Variants in H2BC18 observed in about 807,000 individuals in gnomAD.
H2BC18 encodes the protein histone H2B type 2-F.
H2BC18 carries 8 observed loss-of-function variants against 6.3 expected under a neutral mutation model. That is an observed-to-expected ratio of 1.28 (90% CI 0.75 to 2.31). The LOEUF is 2.31. H2BC18 is among the 30% of genes most tolerant of loss of function. H2BC18 has a pLI of 0.00. For synonymous variants in H2BC18, 104 were observed against 78.1 expected, an observed-to-expected ratio of 1.33 and a Z score of -1.75; for missense variants, 106 against 174.5, an observed-to-expected ratio of 0.61 and a Z score of 2.21.
chr1:149,789,378 G>C (rs2091640120), intron 1 of H2BC18, among the ~76,000 whole-genome samples: 1 of 139,860 alleles, frequency 7.2e-6, no homozygotes, highest in African/African-American at 2.7e-5. Flanking sequence ...GGGCAACAGA[G>C]CGAGACTACG....
intron 1 of H2BC18, chr1:149,792,189 A>G (rs1203600283): frequency 1.8e-5 from 3 of 162,608 alleles, no homozygotes; most frequent in Admixed American, 1.2e-4. Flanking sequence ...TGCCAGTCCT[A>G]GGCCCCTGCC....
chr1:149,793,137 C>T, intron 1 of H2BC18: 1 of 1,275,084 alleles, frequency 7.8e-7, no homozygotes, highest in South Asian at 1.2e-5. Flanking sequence ...CCGGCCGAGC[C>T]TCCGCGGAGA....
chr1:149,807,816 A>G (rs1222638754), downstream of H2BC18, among the ~76,000 whole-genome samples: 2 of 147,420 alleles, frequency 1.4e-5, no homozygotes, highest in Non-Finnish European at 3.0e-5. Context: ...AAGAAAGAAG[A>G]AAGAAAGAGA....
Position 149,790,300 on chromosome 1 carries a change from T to C in H2BC18, c.378-7040A>G. ...GAGGCTGCCACAGAGGATGGAAATGTCCTTAAGCGCAGCCCTGAGTTGGAG... is the reference window on the plus strand; with the variant it reads ...GAGGCTGCCACAGAGGATGGAAATGCCCTTAAGCGCAGCCCTGAGTTGGAG... On this transcript the variant is annotated intron_variant, in intron 1 of 1. Coordinates refer to the H2BC18 transcript ENST00000545683. 4 of 1,587,544 alleles carry C rather than the reference T, an allele frequency of 2.5e-6. No individual in the cohort carries two copies. The South Asian group carries it at 4.6e-5, about 18-fold the overall frequency.
downstream of H2BC18, chr1:149,810,470 A>G (rs1553754290): frequency 6.6e-6 from 1 of 152,136 alleles, no homozygotes; most frequent in Non-Finnish European, 1.5e-5. Context: ...AATTAGTAAA[A>G]TTCATTTTAA....
At chr1:149,804,275 A>T (rs782616795) in intron 1 of H2BC18, among the ~76,000 whole-genome samples, 1 of 152,114 alleles carries the variant, frequency 6.6e-6, no homozygotes, top group Admixed American at 6.5e-5. Context: ...GCATCATCTG[A>T]TAGAAAAAGA....
chr1:149,809,580 A>G (rs1301244134), downstream of H2BC18, among the ~76,000 whole-genome samples: 3 of 145,952 alleles, frequency 2.1e-5, no homozygotes, highest in African/African-American at 7.9e-5. Flanking sequence ...GCTATTTTAT[A>G]GTAGGCATTG....
rs587763338 is a variant in H2BC18, at chr1:149,792,602, G to T, written c.378-9342C>A. The T allele has an allele frequency of 7.5e-6, 9 of 1,206,564 alleles. No homozygotes were observed. In the South Asian group the frequency reaches 1.2e-4, roughly 15 times the overall value. The allele number at this position is 1,206,564 out of a possible 1,614,324, so 74.7% of individuals were successfully genotyped here. On this transcript the variant is annotated intron_variant, in intron 1 of 1. Transcript: ENST00000545683. ...GCGCTCCGAGCGTGTCCCGCGGCGGGCCCCTGGCGCCACACTGTGGCCGCA... is the reference window on the plus strand; with the variant it reads ...GCGCTCCGAGCGTGTCCCGCGGCGGTCCCCTGGCGCCACACTGTGGCCGCA...
chr1:149,788,446 A>G (rs782784173), intron 1 of H2BC18: 1 of 1,613,772 alleles, frequency 6.2e-7, no homozygotes, highest in Non-Finnish European at 8.5e-7. Context: ...GTGGAAGGAT[A>G]AGCTGGTGTA....
intron 1 of H2BC18, chr1:149,788,521 A>C: frequency 6.2e-7 from 1 of 1,613,858 alleles, no homozygotes; most frequent in Non-Finnish European, 8.5e-7. Flanking sequence ...TAACCTCACC[A>C]TTCTGAAAAC....
chr1:149,810,323 T>G (rs1559756854), downstream of H2BC18: 1 of 152,048 alleles, frequency 6.6e-6, no homozygotes, highest in Non-Finnish European at 1.5e-5. Context: ...TCAGTTATCT[T>G]TCCCTGACCT....
At chr1:149,792,597 G>C (rs1199215651) in intron 1 of H2BC18, 42 of 1,205,226 alleles carry the variant, frequency 3.5e-5, no homozygotes, top group Non-Finnish European at 4.2e-5. Flanking sequence ...CGTGTCCCGC[G>C]GCGGGCCCCT....
At chr1:149,798,353 T>C (rs2091822892) in intron 1 of H2BC18, among the ~76,000 whole-genome samples, 1 of 151,076 alleles carries the variant, frequency 6.6e-6, no homozygotes, top group Non-Finnish European at 1.5e-5. Flanking sequence ...TAAGATGGTA[T>C]AGGCATAATT....
intron 1 of H2BC18, chr1:149,792,755 A>G: frequency 2.3e-6 from 3 of 1,283,408 alleles, no homozygotes; most frequent in Non-Finnish European, 3.0e-6. Context: ...ACCCAGTGAG[A>G]AATTATTTGC....
downstream of H2BC18, among the ~76,000 whole-genome samples, chr1:149,808,691 A>T (rs587595019): frequency 6.6e-5 from 10 of 152,204 alleles, no homozygotes; most frequent in African/African-American, 9.6e-5. Context: ...TCATGTTGAC[A>T]TTGTGGGGCC....
chr1:149,793,278 G>A, intron 1 of H2BC18: 1 of 1,212,490 alleles, frequency 8.2e-7, no homozygotes, highest in South Asian at 1.4e-5. Context: ...GAGTGGGAGA[G>A]GCCGCCCGCC....
In H2BC18 at chr1:149,790,548, C is replaced by T; in HGVS notation, c.378-7288G>A. 7 of 984,776 alleles carry T rather than the reference C, an allele frequency of 7.1e-6. No homozygotes were observed. The South Asian group carries it at 1.2e-4, about 17-fold the overall frequency. The allele number at this position is 984,776 out of a possible 1,614,324, so 61.0% of individuals were successfully genotyped here. ...TTTCCTTTCCTTTCTTTTTCTTTTT[C>T]CTTTGCCTTTCCTTCCTCCATTTCT... On this transcript the variant is annotated intron_variant, in intron 1 of 1. Transcript: ENST00000545683.
At position 149,792,710 on chromosome 1, in the gene H2BC18, C is replaced by T. The variant is rs587743630; in HGVS notation, c.378-9450G>A. ...CCCAGCTGCGGCGAAAGCTGTTGGG[C>T]GCGCGCTTCTCCGCAGCTCCGCGCC... On this transcript the variant is annotated intron_variant, in intron 1 of 1. Transcript: ENST00000545683. 1,306 of 1,283,246 alleles carry T rather than the reference C, an allele frequency of 1.0e-3. 104 individuals are homozygous for T. In the African/African-American group the frequency reaches 0.019, roughly 19 times the overall value. 79.5% of individuals were successfully genotyped at this position (1,283,246 alleles called of 1,614,324 possible).
chr1:149,787,403 T>C (rs1265189163), intron 1 of H2BC18: 2 of 152,238 alleles, frequency 1.3e-5, no homozygotes, highest in African/African-American at 4.8e-5. Context: ...TAGAGGTGTA[T>C]GTCGAAAGGA....
Sources: allele counts gnomAD v4.1 joint callset (sites outside exome capture counted in the v4.1 genomes callset), GRCh38; gene constraint gnomAD v4.1.1; transcripts MANE v1.5; gene names NCBI Gene and HGNC (gene_info 2026-07-23, HGNC 2026-07-21).